Variants in TASOR observed in about 807,000 individuals in gnomAD.
The protein encoded by TASOR is transcription activation suppressor, also known as protein TASOR.
In TASOR, 53 loss-of-function variants were observed where a neutral mutation model predicts 178.6. The observed-to-expected ratio is 0.30, with a 90% CI of 0.24 to 0.37. TASOR has a LOEUF of 0.37. Ranked by LOEUF, TASOR falls within the 10% of genes least tolerant of loss-of-function variation. TASOR has a pLI of 1.00. For synonymous variants in TASOR, 713 were observed against 696.2 expected, an observed-to-expected ratio of 1.02 and a Z score of -0.38; for missense variants, 1,815 against 1,971.4, an observed-to-expected ratio of 0.92 and a Z score of 1.50.
intron 1 of TASOR, among the ~76,000 whole-genome samples, chr3:56,681,995 A>T (rs1490023387): frequency 6.6e-6 from 1 of 152,230 alleles, no homozygotes; most frequent in Admixed American, 6.5e-5. Context: ...CTGCTCCAAG[A>T]ACCTACCTTT....
At position 56,633,719 on chromosome 3, in the gene TASOR, C is replaced by T; in HGVS notation, c.3072G>A (p.Glu1024=). The stretch of plus-strand genomic sequence containing the variant: ...CTATCTTCCTAGAAAAGAGATTGTA[C>T]TCTCCTAACACTGTCCTCTCTGTGG... ...SETTERTVLG[E]YNLFSRKIEE... is the part of the protein sequence containing the mutation. The change falls in exon 18 of 24, where the codon GAG becomes GAA. Residue 1024 remains glutamate (E), a synonymous_variant. Coordinates refer to ENST00000683822, the MANE Select transcript of TASOR (RefSeq NM_001365635.2). 6.2e-7 allele frequency: 1 copy of T among 1,614,132 alleles called. No individual in the cohort carries two copies. The highest frequency in any genetic ancestry group is 8.5e-7 in the Non-Finnish European group (1 of 1,180,026).
Position 56,682,987 on chromosome 3 carries a change from G to A in TASOR, c.20C>T (p.Thr7Met). 3 of 1,548,232 alleles carry A rather than the reference G, an allele frequency of 1.9e-6. No individual in the cohort carries two copies. The highest frequency in any genetic ancestry group is 2.6e-6 in the Non-Finnish European group (3 of 1,145,724). The change falls in exon 1 of 24, where the codon ACG becomes ATG. Residue 7 changes from threonine to methionine, a missense_variant. Physicochemically the swap from Thr to Met is moderately conservative, Grantham distance 81 (BLOSUM62 -1). Transcript: ENST00000683822. Reference sequence around the variant, plus strand: ...CGCATCCGTCGGCTGACAGGCCTCCGTCTCCACAGCAGTCGCCATCGCGCC... The same window carrying A: ...CGCATCCGTCGGCTGACAGGCCTCCATCTCCACAGCAGTCGCCATCGCGCC... The part of the protein sequence containing the change: MATAVE[T>M]EACQPTDASW...
intron 1 of TASOR, among the ~76,000 whole-genome samples, chr3:56,676,597 T>C (rs966156908): frequency 3.9e-5 from 6 of 152,178 alleles, no homozygotes; most frequent in African/African-American, 1.4e-4. Flanking sequence ...ATTTTGTTTC[T>C]AAACAAAATG....
chr3:56,632,965 C>CA (rs1365255556), intron 18 of TASOR, 79 bp downstream of exon 18: 4 of 1,182,758 alleles, frequency 3.4e-6, no homozygotes, highest in South Asian at 3.2e-5. Flanking sequence ...CATTTAAATA[C>CA]AAAAAACTTC....
At chr3:56,644,053 A>G (rs1336455318) in intron 14 of TASOR, among the ~76,000 whole-genome samples, 2 of 152,248 alleles carry the variant, frequency 1.3e-5, no homozygotes, top group Admixed American at 6.5e-5. Context: ...GTACCAAAAA[A>G]TAAGTATCTT....
intron 17 of TASOR, 27 bp downstream of exon 17, chr3:56,638,679 G>T: frequency 6.2e-7 from 1 of 1,613,250 alleles, no homozygotes; most frequent in Non-Finnish European, 8.5e-7. Context: ...GGCACACTGG[G>T]AAGAAAAGCA....
chr3:56,660,172 A>C (rs4299454), intron 11 of TASOR, among the ~76,000 whole-genome samples: 1 of 151,888 alleles, frequency 6.6e-6, no homozygotes. Flanking sequence ...TGATAATCAC[A>C]TTCTTAATCA....
chr3:56,644,750 C>A (rs747469906), intron 14 of TASOR, among the ~76,000 whole-genome samples: 1 of 152,092 alleles, frequency 6.6e-6, no homozygotes, highest in Non-Finnish European at 1.5e-5. Context: ...AGAGTAACAA[C>A]ATTGCAAAGA....
intron 2 of TASOR, 38 bp from the exon 3 acceptor site, chr3:56,671,730 T>C (rs755182142): frequency 7.8e-6 from 11 of 1,419,072 alleles, no homozygotes; most frequent in South Asian, 1.3e-5. Flanking sequence ...ACTTAGCATG[T>C]GATTATGTTT....
At position 56,622,980 on chromosome 3, in the gene TASOR, T is replaced by G. The variant is rs530573413; in HGVS notation, c.*57A>C. 4 of 1,158,450 alleles carry G rather than the reference T, an allele frequency of 3.5e-6. No individual in the cohort carries two copies. Among genetic ancestry groups the G allele is most frequent in the Non-Finnish European group, 4.8e-6 (4 of 837,926 alleles). The allele number at this position is 1,158,450 out of a possible 1,614,324, so 71.8% of individuals were successfully genotyped here. On this transcript the variant is annotated 3_prime_UTR_variant, in exon 24 of 24. Coordinates refer to ENST00000683822, the MANE Select transcript of TASOR (RefSeq NM_001365635.2). Reference sequence around the variant, plus strand: ...AGAACCTTTTGTTTAGAGAATGAAATATAAATTGTTAATAAACAAAGTCCA... The same window carrying G: ...AGAACCTTTTGTTTAGAGAATGAAAGATAAATTGTTAATAAACAAAGTCCA...
chr3:56,644,730 A>G (rs1384522362), intron 14 of TASOR, among the ~76,000 whole-genome samples: 1 of 152,222 alleles, frequency 6.6e-6, no homozygotes, highest in African/African-American at 2.4e-5. Context: ...GAGATAAAGA[A>G]CACAGACAAA....
At chr3:56,655,524 T>C (rs2077451454) in intron 11 of TASOR, among the ~76,000 whole-genome samples, 1 of 152,060 alleles carries the variant, frequency 6.6e-6, no homozygotes, top group African/African-American at 2.4e-5. Flanking sequence ...ACCAGCACTT[T>C]GGGAGGTGGA....
chr3:56,635,972 A>T (rs1032890329), intron 17 of TASOR, among the ~76,000 whole-genome samples: 1 of 152,190 alleles, frequency 6.6e-6, no homozygotes, highest in Non-Finnish European at 1.5e-5. Context: ...ATCACAACCT[A>T]ATTTTATTTT....
chr3:56,682,084 A>C (rs1261565856), intron 1 of TASOR, among the ~76,000 whole-genome samples: 1 of 152,224 alleles, frequency 6.6e-6, no homozygotes, highest in African/African-American at 2.4e-5. Flanking sequence ...TAACGCTTCA[A>C]AAACAAGGGG....
chr3:56,634,698 A>G (rs2076982500), intron 17 of TASOR, among the ~76,000 whole-genome samples: 1 of 152,242 alleles, frequency 6.6e-6, no homozygotes, highest in Non-Finnish European at 1.5e-5. Context: ...CATTTGAGAT[A>G]CAGATGTTAG....
intron 16 of TASOR, 126 bp downstream of exon 16, chr3:56,639,860 T>C (rs2077087617): frequency 1.3e-6 from 1 of 743,732 alleles, no homozygotes; most frequent in Admixed American, 3.0e-5. Flanking sequence ...ACACTGAAGA[T>C]GTCAGCACCA....
At chr3:56,679,858 TA>T (rs1471042632) in intron 1 of TASOR, among the ~76,000 whole-genome samples, 1 of 152,184 alleles carries the variant, frequency 6.6e-6, no homozygotes, top group Non-Finnish European at 1.5e-5. Flanking sequence ...ATAATTTGGT[TA>T]AATGTAAGAA....
chr3:56,654,403 T>TGGGGGGGGGGGGG (rs1559838476), intron 11 of TASOR, among the ~76,000 whole-genome samples: 4 of 127,310 alleles, frequency 3.1e-5, no homozygotes, highest in South Asian at 2.6e-4. Context: ...TGGGCGGGGT[T>TGGGGGGGGGGGGG]GGGGGGTGGT....
chr3:56,645,981 T>C (rs567579495), intron 14 of TASOR, among the ~76,000 whole-genome samples: 30 of 152,184 alleles, frequency 2.0e-4, no homozygotes, highest in African/African-American at 6.5e-4. Context: ...ACCCCGTCTC[T>C]ACTAAAAATA....
Sources: gnomAD v4.1 joint callset for allele counts (sites outside exome capture counted in the v4.1 genomes callset) on GRCh38, gnomAD v4.1.1 for gene constraint, MANE v1.5 for transcripts, NCBI Gene and HGNC (gene_info 2026-07-23, HGNC 2026-07-21) for gene names.